The following BRD9 variants were observed in gnomAD, a reference collection of about 807,000 sequenced individuals.
BRD9 encodes the protein bromodomain containing 9, also known as bromodomain-containing protein 9.
In BRD9, 47 loss-of-function variants were observed where a neutral mutation model predicts 68.7. The ratio of observed to expected loss-of-function variants is 0.68; its 90% CI spans 0.54 to 0.87. The LOEUF (loss-of-function observed/expected upper bound fraction) is 0.87, where lower values mean the gene tolerates loss of function less well. BRD9 is among the 40% of genes least tolerant of loss of function. BRD9 has a pLI of 0.00. For synonymous variants in BRD9, 313 were observed against 293.9 expected (o/e 1.06, Z -0.67); for missense variants, 670 against 748.4 (o/e 0.90, Z 1.22).
intron 6 of BRD9, 123 bp from the exon 7 acceptor site, chr5:886,830 CGATGG>C: frequency 4.6e-6 from 7 of 1,529,382 alleles, no homozygotes; most frequent in Non-Finnish European, 6.2e-6. Flanking sequence ...GGTGCCGTGA[CGATGG>C]GATGGGATGG....
chr5:891,363 G>C, intron 2 of BRD9, 76 bp from the exon 3 acceptor site: 1 of 1,499,450 alleles, frequency 6.7e-7, no homozygotes, highest in Non-Finnish European at 8.9e-7. Flanking sequence ...TCCCCTCGCA[G>C]TTCTCAGGGG....
chr5:889,957 G>A (rs568597942), intron 3 of BRD9: 84 of 371,370 alleles, frequency 2.3e-4, no homozygotes, highest in African/African-American at 1.1e-3. Context: ...AATGGACGAC[G>A]GAACAAACGC....
At chr5:865,280 A>T in intron 15 of BRD9, 134 bp downstream of exon 15, 1 of 1,233,820 alleles carries the variant, frequency 8.1e-7, no homozygotes, top group South Asian at 1.6e-5. Context: ...GTGGAAACCG[A>T]CCTCCACAAC....
chr5:889,099 T>C lies in BRD9; in HGVS notation c.528A>G (p.Ile176Met), dbSNP rs1752976909. 6.2e-7 allele frequency: 1 copy of C among 1,611,526 alleles called. No homozygotes were observed. The highest frequency in any genetic ancestry group is 8.5e-7 in the Non-Finnish European group (1 of 1,179,212). Reference protein sequence around the residue: ...TDAIAPGYSMIIKHPMDFGTM... With the variant: ...TDAIAPGYSMMIKHPMDFGTM... ...TGCCAAAATCCATGGGATGTTTTAT[T>C]ATCATTGAATATCCAGGAGCAATTG... The change falls in exon 5 of 16, where the codon ATA becomes ATG. Residue 176 changes from isoleucine to methionine, a missense_variant. Physicochemically the swap from Ile to Met is conservative, Grantham distance 10. Around this residue, in one of 5 missense-constraint regions of BRD9, gnomAD observed 94 missense variants for 157.2 expected, o/e 0.60. Transcript: ENST00000467963.
rs536800989 is a variant in BRD9, at chr5:887,539, C to G, written c.607-68G>C. On this transcript the variant is annotated intron_variant, in intron 5 of 15. Coordinates refer to ENST00000467963, the MANE Select transcript of BRD9 (RefSeq NM_023924.5). ...CAGACAACAGCAAAGCTCTAGATGA[C>G]TACCAAGAGACCAAAAGGAAAAAGC... is the stretch of plus-strand genomic sequence containing the variant. 296 of 1,203,228 alleles carry G rather than the reference C, an allele frequency of 2.5e-4. 1 individual carries two copies. Among genetic ancestry groups the G allele is most frequent in the Non-Finnish European group, 2.7e-4 (218 of 819,656 alleles). 74.5% of individuals were successfully genotyped at this position (1,203,228 alleles called of 1,614,324 possible).
chr5:885,140 T>G (rs544271294), intron 7 of BRD9, among the ~76,000 whole-genome samples: 1 of 152,178 alleles, frequency 6.6e-6, no homozygotes, highest in Admixed American at 6.5e-5. Context: ...CCCCGACCCC[T>G]GAAGGCCAGC....
intron 3 of BRD9, 90 bp from the exon 4 acceptor site, chr5:889,737 G>A: frequency 1.3e-6 from 2 of 1,579,450 alleles, no homozygotes; most frequent in Non-Finnish European, 1.7e-6. Flanking sequence ...TCTGTCTGGT[G>A]TCTCACAGCA....
intron 10 of BRD9, 52 bp from the exon 11 acceptor site, chr5:878,539 G>A (rs769507523): frequency 9.9e-5 from 159 of 1,609,928 alleles, no homozygotes; most frequent in Non-Finnish European, 1.3e-4. Context: ...GACTCGGTGT[G>A]CAGGCCCCAC....
At position 891,209 on chromosome 5, in the gene BRD9, CCTT is replaced by C; in HGVS notation, c.343_345del (p.Lys115del). 6.4e-7 allele frequency: 1 copy of C among 1,551,982 alleles called. No individual in the cohort carries two copies. The highest frequency in any genetic ancestry group is 2.4e-5 in the East Asian group (1 of 40,924). On this transcript the variant is annotated inframe_deletion, in exon 3 of 16. Coordinates refer to ENST00000467963, the MANE Select transcript of BRD9 (RefSeq NM_023924.5). ...CGATCTGGGGGCGGCTCCACCTCCACCTTCTTCCCAGGATCAAAGTCGTCAGCC... is the reference window on the plus strand; with the variant it reads ...CGATCTGGGGGCGGCTCCACCTCCACCTTCCCAGGATCAAAGTCGTCAGCC...
intron 11 of BRD9, among the ~76,000 whole-genome samples, chr5:878,086 T>C (rs371584538): frequency 2.4e-4 from 36 of 152,220 alleles, no homozygotes; most frequent in African/African-American, 8.7e-4. Context: ...GAAACACAAT[T>C]CAATACGATC....
Position 891,700 on chromosome 5 carries a change from CTTCT to C in BRD9, c.203_206del (p.Lys68ArgfsTer107). ...TCTCCTTCTCGGACTTCTTCTTCTTCTTCTTTTTCTTTTCTTTGTGCCTCTCTCG... is the reference window on the plus strand; with the variant it reads ...TCTCCTTCTCGGACTTCTTCTTCTTCTTTTCTTTTCTTTGTGCCTCTCTCG... On this transcript the variant is annotated frameshift_variant, in exon 2 of 16. Transcript: ENST00000467963. LOFTEE classifies it high-confidence loss of function. 5 of 1,551,654 alleles carry C rather than the reference CTTCT, an allele frequency of 3.2e-6. No individual in the cohort carries two copies. Among genetic ancestry groups the C allele is most frequent in the Non-Finnish European group, 3.5e-6 (4 of 1,147,008 alleles).
intron 7 of BRD9, among the ~76,000 whole-genome samples, chr5:885,425 C>T (rs762090791): frequency 1.2e-4 from 19 of 152,184 alleles, no homozygotes; most frequent in Non-Finnish European, 1.9e-4. Context: ...GCACCGCTGC[C>T]GCCCCACCTG....
In BRD9 at chr5:864,189, C is replaced by T. The variant is rs374574037; in HGVS notation, c.*279G>A. On this transcript the variant is annotated 3_prime_UTR_variant, in exon 16 of 16. Coordinates refer to ENST00000467963, the MANE Select transcript of BRD9 (RefSeq NM_023924.5). ...GCTGACACGATGGCCACACGCCCTT[C>T]GTGTATGACTCCACTCCTCAGGGTT... The T allele has an allele frequency of 4.1e-4, 109 of 264,458 alleles. No homozygotes were observed. In the East Asian group the frequency reaches 6.9e-3, roughly 17 times the overall value. The allele number at this position is 264,458 out of a possible 1,614,324, so 16.4% of individuals were successfully genotyped here. A position where few individuals can be genotyped will look rare whatever the true frequency, so the allele number is the denominator to read the frequency against.
At chr5:876,427 G>C (rs550782840) in intron 11 of BRD9, among the ~76,000 whole-genome samples, 2 of 152,322 alleles carry the variant, frequency 1.3e-5, no homozygotes, top group South Asian at 4.1e-4. Context: ...AGTGGGGAGA[G>C]GGAGAAAAGC....
chr5:891,531 C>G, intron 2 of BRD9, 109 bp downstream of exon 2: 1 of 1,461,440 alleles, frequency 6.8e-7, no homozygotes, highest in Non-Finnish European at 9.0e-7. Flanking sequence ...CAACGGAACA[C>G]CCCCTCCCCT....
chr5:881,103 C>T lies in BRD9; in HGVS notation c.1042+4G>A, dbSNP rs922105621. On this transcript the variant is annotated splice_donor_region_variant and intron_variant, in intron 9 of 15. Coordinates refer to ENST00000467963, the MANE Select transcript of BRD9 (RefSeq NM_023924.5). ...CATAAAGCCAGCCCTGAGCGGGCAC[C>T]CACCATCAGCGTCCGGCTCGGCCGT... The T allele has an allele frequency of 6.2e-7, 1 of 1,613,956 alleles. No homozygotes were observed. Among genetic ancestry groups the T allele is most frequent in the South Asian group, 1.1e-5 (1 of 91,086 alleles).
chr5:890,018 G>A, intron 3 of BRD9: 1 of 342,226 alleles, frequency 2.9e-6, no homozygotes, highest in Non-Finnish European at 5.8e-6. Context: ...TTCACTTGAG[G>A]TCCCTTAAAA....
At position 891,671 on chromosome 5, in the gene BRD9, T is replaced by G; in HGVS notation, c.236A>C (p.His79Pro). 6.4e-7 allele frequency: 1 copy of G among 1,551,644 alleles called. No homozygotes were observed. Among genetic ancestry groups the G allele is most frequent in the Non-Finnish European group, 8.7e-7 (1 of 1,147,032 alleles). Residue 79 changes from histidine (H) to proline (P), a missense_variant, in exon 2 of 16, where the codon CAT becomes CCT. His to Pro is a moderately conservative substitution (Grantham distance 77). Around this residue, in one of 5 missense-constraint regions of BRD9, gnomAD observed 161 missense variants for 148.1 expected, o/e 1.09. Transcript: ENST00000467963. ...CTTCCTTCTTTCCTCATCGTCCAGA[T>G]GCTTCTCCTTCTCGGACTTCTTCTT... ...KKKKKSEKEK[H>P]LDDEERRKRK...
chr5:867,754 A>G (rs142962457), intron 14 of BRD9, among the ~76,000 whole-genome samples: 17 of 152,312 alleles, frequency 1.1e-4, no homozygotes, highest in African/African-American at 3.8e-4. Context: ...CCCGATTTGT[A>G]TCTTGGAATT....
Sources: allele counts gnomAD v4.1 joint callset (sites outside exome capture counted in the v4.1 genomes callset), GRCh38; gene constraint gnomAD v4.1.1; regional missense constraint gnomAD v4.1.1; transcripts MANE v1.5; gene names NCBI Gene and HGNC (gene_info 2026-07-23, HGNC 2026-07-21).